The following TRABD2B variants were observed in gnomAD, a reference collection of about 807,000 sequenced individuals.
The protein encoded by TRABD2B is TraB domain containing 2B.
A neutral mutation model predicts 40.1 loss-of-function variants in TRABD2B; 14 were observed. The observed-to-expected ratio is 0.35, with a 90% CI of 0.23 to 0.55. The LOEUF is 0.55. TRABD2B is among the 20% of genes least tolerant of loss of function. The probability of loss-of-function intolerance (pLI) is 0.90; values close to 1 mark genes in which losing one functional copy is unlikely to be tolerated. For missense variants in TRABD2B, 541 were observed against 648.6 expected, an observed-to-expected ratio of 0.83 and a Z score of 1.80; for synonymous variants, 263 against 277.0, an observed-to-expected ratio of 0.95 and a Z score of 0.50.
At chr1:47,843,679 G>A (rs1359935389) in intron 2 of TRABD2B, among the ~76,000 whole-genome samples, 1 of 152,180 alleles carries the variant, frequency 6.6e-6, no homozygotes, top group East Asian at 1.9e-4. Context: ...GGAACCAGCT[G>A]GAACACTGTG....
intron 2 of TRABD2B, among the ~76,000 whole-genome samples, chr1:47,876,505 C>CT (rs1251040628): frequency 6.6e-6 from 1 of 152,198 alleles, no homozygotes; most frequent in African/African-American, 2.4e-5. Context: ...GGGAGACAGA[C>CT]TAAGTACCTA....
rs576356714 is a variant in TRABD2B at position 47,959,947 on chromosome 1, C to T, written c.666+34087G>A. ...TTAGACCAATATCCCTAATGAATAT[C>T]GATGCAAAAATCCTCAATAAAATAC... On this transcript the variant is annotated intron_variant, in intron 2 of 6. Transcript: ENST00000606738. 8.5e-5 allele frequency among the ~76,000 whole-genome samples: 13 copies of T among 152,220 alleles called. No individual in the cohort carries two copies. The South Asian group carries it at 1.2e-3, about 15-fold the overall frequency.
intron 2 of TRABD2B, among the ~76,000 whole-genome samples, chr1:47,853,233 C>T (rs1643851453): frequency 6.6e-6 from 1 of 152,222 alleles, no homozygotes; most frequent in South Asian, 2.1e-4. Flanking sequence ...TGGGACTCCA[C>T]ATTCCTCAGT....
intron 5 of TRABD2B, among the ~76,000 whole-genome samples, chr1:47,777,365 C>G (rs897445034): frequency 6.6e-6 from 1 of 152,198 alleles, no homozygotes. Flanking sequence ...GGAAGAGCAG[C>G]CTTGTCAGTT....
intron 2 of TRABD2B, among the ~76,000 whole-genome samples, chr1:47,963,669 T>C (rs1388250781): frequency 1.3e-5 from 2 of 152,226 alleles, no homozygotes; most frequent in African/African-American, 4.8e-5. Context: ...GTGCAGTTGT[T>C]AATTCTGGCT....
chr1:47,930,837 C>T (rs372095591), intron 2 of TRABD2B, among the ~76,000 whole-genome samples: 1 of 152,134 alleles, frequency 6.6e-6, no homozygotes. Context: ...AAGGGACTGA[C>T]CCAGGGTCTC....
At chr1:47,820,464 G>A (rs1031383059) in intron 2 of TRABD2B, among the ~76,000 whole-genome samples, 2 of 152,180 alleles carry the variant, frequency 1.3e-5, no homozygotes, top group Non-Finnish European at 2.9e-5. Context: ...TAGACAGACC[G>A]TGGGATATGC....
At chr1:47,783,033 G>T (rs183848847) in intron 4 of TRABD2B, among the ~76,000 whole-genome samples, 234 of 152,286 alleles carry the variant, frequency 1.5e-3, no homozygotes, top group African/African-American at 5.3e-3. Context: ...GGAGGACCAT[G>T]GGGTGGGGGG....
At chr1:47,984,278 C>T (rs944801876) in intron 2 of TRABD2B, among the ~76,000 whole-genome samples, 2 of 152,250 alleles carry the variant, frequency 1.3e-5, no homozygotes, top group African/African-American at 4.8e-5. Context: ...GGTGCCTGTC[C>T]GCAGGGCTCC....
chr1:47,971,989 G>C (rs1645688346), intron 2 of TRABD2B, among the ~76,000 whole-genome samples: 1 of 152,160 alleles, frequency 6.6e-6, no homozygotes. Flanking sequence ...AACCAGGAAA[G>C]AAAACAGCAA....
intron 2 of TRABD2B, among the ~76,000 whole-genome samples, chr1:47,859,647 G>A (rs543403405): frequency 2.6e-5 from 4 of 152,278 alleles, no homozygotes; most frequent in South Asian, 2.1e-4. Flanking sequence ...GCTGCTCATC[G>A]TGGTGGAAGA....
rs1261824191 is a variant in TRABD2B, at chr1:47,901,439, C to T, written c.666+92595G>A. Among the ~76,000 whole-genome samples the T allele has an allele frequency of 2.6e-5, 4 of 152,210 alleles. No homozygotes were observed. The East Asian group carries it at 7.7e-4, about 29-fold the overall frequency. ...AAGCTCTTGCTCAGCCAGCATGGCT[C>T]AGCGGCAGGGGGCATGGACAGCCTG... On this transcript the variant is annotated intron_variant, in intron 2 of 6. Transcript: ENST00000606738.
chr1:47,864,562 G>A (rs1325387836), intron 2 of TRABD2B, among the ~76,000 whole-genome samples: 1 of 152,132 alleles, frequency 6.6e-6, no homozygotes, highest in Non-Finnish European at 1.5e-5. Context: ...TCATTCTTGT[G>A]ATATCTGTGG....
chr1:47,956,904 C>A (rs998184165), intron 2 of TRABD2B, among the ~76,000 whole-genome samples: 2 of 152,260 alleles, frequency 1.3e-5, no homozygotes, highest in Non-Finnish European at 2.9e-5. Flanking sequence ...GACAGACTGC[C>A]TCCTCAAGTG....
intron 2 of TRABD2B, among the ~76,000 whole-genome samples, chr1:47,988,115 C>A (rs1028822772): frequency 1.3e-5 from 2 of 152,110 alleles, no homozygotes; most frequent in African/African-American, 4.8e-5. Context: ...AGGGCTGCCA[C>A]AGAGGCCCAG....
In TRABD2B at chr1:47,993,891, C is replaced by T. The variant is rs767967595; in HGVS notation, c.666+143G>A. The stretch of plus-strand genomic sequence containing the variant: ...CCACCAGAGCAGCCAGGTGCTGCCT[C>T]GCTGCCCAGCAGAACCTCTCCTTCC... On this transcript the variant is annotated intron_variant, in intron 2 of 6. Coordinates refer to ENST00000606738, the MANE Select transcript of TRABD2B (RefSeq NM_001194986.2). 1.3e-4 allele frequency: 106 copies of T among 814,310 alleles called. 1 individual carries two copies. The East Asian group carries it at 2.4e-3, about 18-fold the overall frequency. The allele number at this position is 814,310 out of a possible 1,614,324, so 50.4% of individuals were successfully genotyped here.
chr1:47,859,328 T>C (rs1306182073), intron 2 of TRABD2B, among the ~76,000 whole-genome samples: 1 of 152,164 alleles, frequency 6.6e-6, no homozygotes, highest in South Asian at 2.1e-4. Context: ...GGGAAACGGA[T>C]AGGGCTAACC....
intron 2 of TRABD2B, among the ~76,000 whole-genome samples, chr1:47,924,782 C>T (rs1644948596): frequency 6.6e-6 from 1 of 152,224 alleles, no homozygotes; most frequent in Non-Finnish European, 1.5e-5. Context: ...AAAGAAACTT[C>T]CTCTGGGGCC....
chr1:47,940,565 G>T (rs939214054), intron 2 of TRABD2B, among the ~76,000 whole-genome samples: 3 of 152,210 alleles, frequency 2.0e-5, no homozygotes, highest in Non-Finnish European at 4.4e-5. Flanking sequence ...GAGAGCTCTA[G>T]ATGTGGCAGA....
Sources: allele counts gnomAD v4.1 joint callset (sites outside exome capture counted in the v4.1 genomes callset), GRCh38; gene constraint gnomAD v4.1.1; transcripts MANE v1.5; gene names NCBI Gene and HGNC (gene_info 2026-07-23, HGNC 2026-07-21).